TRMT11: variants seen among roughly 807,000 people sequenced by gnomAD.
The protein encoded by TRMT11 is tRNA (guanine(10)-N(2))-methyltransferase TRMT11.
TRMT11 carries 53 observed loss-of-function variants against 62.8 expected under a neutral mutation model. The observed-to-expected ratio is 0.84, with a 90% CI of 0.68 to 1.06. The LOEUF is 1.06. Among genes scored for constraint, TRMT11 ranks in the 50% least tolerant of loss-of-function variants. The pLI is 0.00. For synonymous variants in TRMT11, 188 were observed against 190.3 expected (o/e 0.99, Z 0.10); for missense variants, 556 against 553.4 (o/e 1.00, Z -0.05).
chr6:126,066,813 C>G (rs1315073059), intron 17 of TRMT11, among the ~76,000 whole-genome samples: 1 of 151,954 alleles, frequency 6.6e-6, no homozygotes, highest in Admixed American at 6.6e-5. Context: ...GGGTGCCATC[C>G]ACCCAGCCAG....
chr6:126,246,545 T>C, the TRMT11 span, among the ~76,000 whole-genome samples: 4 of 152,076 alleles, frequency 2.6e-5, no homozygotes, highest in African/African-American at 9.7e-5. Flanking sequence ...AAGTGATAGC[T>C]GCATCCACGG....
chr6:126,052,014 G>T (rs902429998), intron 16 of TRMT11, among the ~76,000 whole-genome samples: 1 of 152,150 alleles, frequency 6.6e-6, no homozygotes, highest in Non-Finnish European at 1.5e-5. Flanking sequence ...TTGGCAAAGA[G>T]AATTGACATG....
the TRMT11 span, among the ~76,000 whole-genome samples, chr6:126,237,483 C>T: frequency 6.6e-6 from 1 of 152,024 alleles, no homozygotes; most frequent in Non-Finnish European, 1.5e-5. Flanking sequence ...AGTTTGAAAG[C>T]AGCATGGGCA....
intron 16 of TRMT11, among the ~76,000 whole-genome samples, chr6:126,046,103 A>G (rs927934122): frequency 6.6e-6 from 1 of 152,182 alleles, no homozygotes; most frequent in African/African-American, 2.4e-5. Context: ...AGAATTCTAG[A>G]TAAATTCTTG....
the TRMT11 span, among the ~76,000 whole-genome samples, chr6:126,217,690 C>G: frequency 6.6e-6 from 1 of 152,122 alleles, no homozygotes; most frequent in African/African-American, 2.4e-5. Context: ...CTGGGTGTGA[C>G]CTGAAACCAG....
chr6:126,209,207 T>A, the TRMT11 span, among the ~76,000 whole-genome samples: 2 of 152,182 alleles, frequency 1.3e-5, no homozygotes, highest in Non-Finnish European at 1.5e-5. Flanking sequence ...AAGCCAATAC[T>A]GATTTCAGAG....
chr6:125,989,805 G>T (rs1226203678), intron 1 of TRMT11, among the ~76,000 whole-genome samples: 3 of 152,114 alleles, frequency 2.0e-5, no homozygotes, highest in Admixed American at 1.3e-4. Context: ...ATCACTGCAT[G>T]GTTCTTTCCT....
the TRMT11 span, among the ~76,000 whole-genome samples, chr6:126,225,010 TGA>T: frequency 6.6e-6 from 1 of 152,050 alleles, no homozygotes. Context: ...CGAGGGAGCC[TGA>T]GAGAGGCTGA....
At chr6:126,043,453 T>C (rs1775944947), downstream of TRMT11, among the ~76,000 whole-genome samples, 1 of 150,966 alleles carries the variant, frequency 6.6e-6, no homozygotes, top group South Asian at 2.1e-4. Context: ...CAGTCTATCA[T>C]TGTTGGACAT....
chr6:126,172,550 T>C (rs1344003303), upstream of TRMT11, among the ~76,000 whole-genome samples: 1 of 152,246 alleles, frequency 6.6e-6, no homozygotes, highest in Non-Finnish European at 1.5e-5. Context: ...AGATTTATTC[T>C]AGCCCTGGTC....
At chr6:126,007,438 A>G (rs1433072885) in intron 7 of TRMT11, among the ~76,000 whole-genome samples, 1 of 152,022 alleles carries the variant, frequency 6.6e-6, no homozygotes, top group Non-Finnish European at 1.5e-5. Context: ...GTTGAAGAAT[A>G]TATTTATGAT....
intron 21 of TRMT11, among the ~76,000 whole-genome samples, chr6:126,130,768 G>A (rs1474769225): frequency 6.6e-6 from 1 of 152,044 alleles, no homozygotes; most frequent in Non-Finnish European, 1.5e-5. Context: ...CTTCCAGGAG[G>A]GTAAAGGGAT....
intron 21 of TRMT11, among the ~76,000 whole-genome samples, chr6:126,122,309 C>T (rs556573834): frequency 1.3e-5 from 2 of 152,150 alleles, no homozygotes; most frequent in African/African-American, 4.8e-5. Flanking sequence ...TGAGAGCCTC[C>T]ACAGCAGCCT....
At chr6:126,179,454 A>G (rs1778430328) in intron 1 of TRMT11, among the ~76,000 whole-genome samples, 1 of 152,178 alleles carries the variant, frequency 6.6e-6, no homozygotes, top group South Asian at 2.1e-4. Flanking sequence ...AATCAGCAGC[A>G]TGTGACAGTG....
chr6:126,188,542 A>C (rs920161581), intron 1 of TRMT11, among the ~76,000 whole-genome samples: 2 of 152,104 alleles, frequency 1.3e-5, no homozygotes, highest in Admixed American at 1.3e-4. Context: ...AATGAGTTTC[A>C]ATTTCTGTTC....
In TRMT11 at chr6:126,036,903, T is replaced by A. The variant is rs571798121; in HGVS notation, c.1261-1802T>A. On this transcript the variant is annotated intron_variant, in intron 12 of 12. Transcript: ENST00000334379. ...ACCAGACTTGAGTCTACCTGTGGAG[T>A]CATCTGTTCTTTCAGGGTTTTGTTA... Among the ~76,000 whole-genome samples the A allele has an allele frequency of 8.5e-5, 13 of 152,156 alleles. No individual in the cohort carries two copies. The South Asian group carries it at 2.5e-3, about 29-fold the overall frequency.
At chr6:126,063,756 T>C (rs1358103302) in intron 17 of TRMT11, among the ~76,000 whole-genome samples, 2 of 152,226 alleles carry the variant, frequency 1.3e-5, no homozygotes, top group African/African-American at 2.4e-5. Context: ...CTAATGACTT[T>C]GTAAATCACT....
chr6:126,081,397 G>C (rs1182501223), intron 17 of TRMT11, among the ~76,000 whole-genome samples: 1 of 152,104 alleles, frequency 6.6e-6, no homozygotes, highest in Non-Finnish European at 1.5e-5. Flanking sequence ...TGATTAGCTT[G>C]ACATTGCACA....
At chr6:126,225,246 C>G in the TRMT11 span, among the ~76,000 whole-genome samples, 1 of 152,302 alleles carries the variant, frequency 6.6e-6, no homozygotes, top group East Asian at 1.9e-4. Flanking sequence ...CCAAGCAGCT[C>G]TCCCTATCAG....
Sources: gnomAD v4.1 joint callset for allele counts (sites outside exome capture counted in the v4.1 genomes callset) on GRCh38, gnomAD v4.1.1 for gene constraint, MANE v1.5 for transcripts, NCBI Gene and HGNC (gene_info 2026-07-23, HGNC 2026-07-21) for gene names.